The following HIP1 variants were observed in gnomAD, a reference collection of about 807,000 sequenced individuals.
HIP1 encodes the protein huntingtin-interacting protein 1.
In HIP1, 65 loss-of-function variants were observed where a neutral mutation model predicts 147.6. The observed-to-expected ratio is 0.44, with a 90% CI of 0.36 to 0.54. The LOEUF (loss-of-function observed/expected upper bound fraction) is 0.54, where lower values mean the gene tolerates loss of function less well. HIP1 is among the 20% of genes least tolerant of loss of function. HIP1 has a pLI of 0.00. For synonymous variants in HIP1, 479 were observed against 504.0 expected (o/e 0.95, Z 0.67); for missense variants, 1,061 against 1,299.6 (o/e 0.82, Z 2.82).
chr7:75,582,537 G>A (rs1191101162), intron 5 of HIP1, among the ~76,000 whole-genome samples: 1 of 152,132 alleles, frequency 6.6e-6, no homozygotes, highest in Non-Finnish European at 1.5e-5. Context: ...TAGGCCAGGT[G>A]CGGTGGCTCA....
intron 1 of HIP1, among the ~76,000 whole-genome samples, chr7:75,636,024 CAA>C (rs34434184): frequency 1.8e-3 from 96 of 53,704 alleles, no homozygotes; most frequent in East Asian, 3.3e-3. Flanking sequence ...GACCCTGTCT[CAA>C]AAAAAAAAAA....
intron 1 of HIP1, among the ~76,000 whole-genome samples, chr7:75,679,204 T>C (rs1175850596): frequency 3.9e-5 from 6 of 152,158 alleles, no homozygotes; most frequent in African/African-American, 1.4e-4. Flanking sequence ...ATACATCTTG[T>C]TTGTTTTTGT....
chr7:75,557,335 AAAC>A (rs1554493592), intron 16 of HIP1, among the ~76,000 whole-genome samples: 16 of 151,084 alleles, frequency 1.1e-4, no homozygotes, highest in African/African-American at 3.9e-4. Flanking sequence ...AAAAACAAAC[AAAC>A]AAAACAAACA....
intron 30 of HIP1, 141 bp from the exon 31 acceptor site, chr7:75,538,365 G>A (rs972128741): frequency 4.2e-6 from 3 of 711,150 alleles, no homozygotes; most frequent in Non-Finnish European, 7.6e-6. Flanking sequence ...CAAGTTTCGT[G>A]TCTAGGAATG....
At chr7:75,565,962 C>A (rs587678099) in intron 9 of HIP1, among the ~76,000 whole-genome samples, 1 of 151,320 alleles carries the variant, frequency 6.6e-6, no homozygotes, top group East Asian at 1.9e-4. Flanking sequence ...GATCCACTTG[C>A]TTCGGCCTCC....
intron 7 of HIP1, among the ~76,000 whole-genome samples, chr7:75,579,733 T>A (rs797032992): frequency 6.6e-6 from 1 of 152,116 alleles, no homozygotes; most frequent in East Asian, 1.9e-4. Context: ...TCTGCACAGA[T>A]GAACAAGCTG....
intron 1 of HIP1, among the ~76,000 whole-genome samples, chr7:75,730,213 GACA>G (rs1554522836): frequency 1.3e-5 from 2 of 152,030 alleles, no homozygotes; most frequent in South Asian, 4.1e-4. Context: ...GTGGGGTGAG[GACA>G]ACGCCTTGGG....
chr7:75,558,956 T>C (rs1554493969), intron 14 of HIP1, among the ~76,000 whole-genome samples: 2 of 152,058 alleles, frequency 1.3e-5, no homozygotes, highest in African/African-American at 4.8e-5. Context: ...GAGGTAGAGG[T>C]TGCAGTGAGC....
chr7:75,681,009 C>T (rs1335086069), intron 1 of HIP1, among the ~76,000 whole-genome samples: 1 of 152,088 alleles, frequency 6.6e-6, no homozygotes, highest in Admixed American at 6.6e-5. Context: ...ATCCCCTGAC[C>T]TCCTGATCCG....
At chr7:75,600,947 G>A (rs181533590) in intron 1 of HIP1, among the ~76,000 whole-genome samples, 52 of 151,796 alleles carry the variant, frequency 3.4e-4, no homozygotes, top group Non-Finnish European at 6.6e-4. Context: ...TGGTAGAGAC[G>A]GGGTCTCACT....
Position 75,602,197 on chromosome 7 carries a change from C to T in HIP1, c.121-2950G>A, listed in dbSNP as rs587668815. Among the ~76,000 whole-genome samples the T allele has an allele frequency of 7.3e-5, 11 of 150,152 alleles. No homozygotes were observed. In the East Asian group the frequency reaches 1.4e-3, roughly 19 times the overall value. ...TATATTTTTAGTAGAGACAGGGTTT[C>T]GCTATGTTGACCATCCTGGTCTCGA... On this transcript the variant is annotated intron_variant, in intron 1 of 30. Transcript: ENST00000336926.
intron 9 of HIP1, chr7:75,563,476 C>A: frequency 1.8e-6 from 1 of 571,310 alleles, no homozygotes. Context: ...AAGAGTAATT[C>A]ATGCTACAAA....
At chr7:75,538,248 T>A in intron 30 of HIP1, 24 bp from the exon 31 acceptor site, 1 of 1,598,282 alleles carries the variant, frequency 6.3e-7, no homozygotes, top group East Asian at 2.2e-5. Context: ...ATAATTTATG[T>A]TGCAAAGCAC....
chr7:75,641,442 TTTTTCTTTTTTGG>T (rs1158428817), intron 1 of HIP1, among the ~76,000 whole-genome samples: 43 of 149,904 alleles, frequency 2.9e-4, no homozygotes, highest in African/African-American at 1.0e-3. Context: ...TTTTATTTGT[TTTTTCTTTTTTGG>T]TTTTCTTTTT....
At chr7:75,610,485 C>T (rs1215489998) in intron 1 of HIP1, among the ~76,000 whole-genome samples, 1 of 151,370 alleles carries the variant, frequency 6.6e-6, no homozygotes, top group African/African-American at 2.4e-5. Flanking sequence ...ACTGAGATAA[C>T]AGTTGTGAGC....
chr7:75,726,977 A>G (rs1801670624), intron 1 of HIP1, among the ~76,000 whole-genome samples: 1 of 150,232 alleles, frequency 6.7e-6, no homozygotes, highest in East Asian at 2.0e-4. Context: ...GTGCCTGGCC[A>G]GTACCTTATT....
intron 1 of HIP1, among the ~76,000 whole-genome samples, chr7:75,616,102 AAAAAGAAAAGATAAG>A (rs1797650014): frequency 1.3e-5 from 2 of 150,116 alleles, no homozygotes; most frequent in Admixed American, 6.7e-5. Context: ...AAAAAAAAAA[AAAAAGAAAAGATAAG>A]AAAAGAAAAG....
At chr7:75,660,446 G>A (rs1799275729) in intron 1 of HIP1, among the ~76,000 whole-genome samples, 1 of 152,064 alleles carries the variant, frequency 6.6e-6, no homozygotes, top group African/African-American at 2.4e-5. Flanking sequence ...AGAATTGCTT[G>A]AACCCACGAG....
intron 1 of HIP1, among the ~76,000 whole-genome samples, chr7:75,647,304 A>G (rs1314291987): frequency 4.7e-5 from 7 of 149,306 alleles, no homozygotes; most frequent in Non-Finnish European, 1.0e-4. Context: ...AGACTGAGGC[A>G]GGAGAATCGC....
Sources: gnomAD v4.1 joint callset for allele counts (sites outside exome capture counted in the v4.1 genomes callset) on GRCh38, gnomAD v4.1.1 for gene constraint, MANE v1.5 for transcripts, NCBI Gene and HGNC (gene_info 2026-07-23, HGNC 2026-07-21) for gene names.